The following PLEKHA5 variants were observed in gnomAD, a reference collection of about 807,000 sequenced individuals.
The protein encoded by PLEKHA5 is pleckstrin homology domain containing A5.
PLEKHA5 carries 55 observed loss-of-function variants against 181.9 expected under a neutral mutation model. That is an observed-to-expected ratio of 0.30 (90% CI 0.24 to 0.38). The LOEUF is 0.38. Among genes scored for constraint, PLEKHA5 ranks in the 10% least tolerant of loss-of-function variants. The pLI, the probability that PLEKHA5 is intolerant of heterozygous loss-of-function variation, is 1.00. For missense variants in PLEKHA5, 1,432 were observed against 1,549.5 expected (o/e 0.92, Z 1.27); for synonymous variants, 535 against 529.4 (o/e 1.01, Z -0.15).
chr12:19,291,728 A>G (rs1273131110), intron 15 of PLEKHA5, 31 bp downstream of exon 15: 8 of 1,197,218 alleles, frequency 6.7e-6, no homozygotes, highest in Admixed American at 2.2e-5. Flanking sequence ...CTTACTTTTA[A>G]TACTTAATAG....
chr12:19,364,585 G>A (rs1416208492), intron 29 of PLEKHA5, among the ~76,000 whole-genome samples: 3 of 152,020 alleles, frequency 2.0e-5, no homozygotes, highest in African/African-American at 7.2e-5. Context: ...TTCCTCAGTG[G>A]CTGCCAAAGC....
At chr12:19,152,438 A>G (rs1591825037) in intron 3 of PLEKHA5, 1 of 152,224 alleles carries the variant, frequency 6.6e-6, no homozygotes, top group Non-Finnish European at 1.5e-5. Context: ...ATTAATAGCA[A>G]TTACTTTCTT....
chr12:19,188,449 A>G (rs1281314924), intron 3 of PLEKHA5, among the ~76,000 whole-genome samples: 1 of 152,246 alleles, frequency 6.6e-6, no homozygotes, highest in Non-Finnish European at 1.5e-5. Context: ...TGAATGTATG[A>G]GAAAGAAAAA....
At chr12:19,340,658 A>G (rs1323344104) in intron 21 of PLEKHA5, among the ~76,000 whole-genome samples, 1 of 143,618 alleles carries the variant, frequency 7.0e-6, no homozygotes, top group African/African-American at 2.5e-5. Context: ...CTTACCCCCA[A>G]CCCTGTGCTC....
intron 15 of PLEKHA5, chr12:19,303,480 G>C (rs1372365397): frequency 6.6e-6 from 1 of 152,156 alleles, no homozygotes; most frequent in Non-Finnish European, 1.5e-5. Flanking sequence ...TACTAAAGTA[G>C]CTGGCACAGT....
At chr12:19,147,807 G>C (rs377032521) in intron 3 of PLEKHA5, among the ~76,000 whole-genome samples, 2 of 152,082 alleles carry the variant, frequency 1.3e-5, no homozygotes, top group Non-Finnish European at 1.5e-5. Flanking sequence ...CATGATCAGA[G>C]CTCACCTCAG....
chr12:19,237,158 AAT>A (rs2152423252), intron 3 of PLEKHA5: 1 of 152,312 alleles, frequency 6.6e-6, no homozygotes. Context: ...TGCCAGGCAT[AAT>A]ATCTAGTGCA....
At chr12:19,330,070 A>G (rs755732659) in intron 20 of PLEKHA5, among the ~76,000 whole-genome samples, 134 of 152,282 alleles carry the variant, frequency 8.8e-4, no homozygotes, top group Admixed American at 5.2e-4. Flanking sequence ...AACAAAAGAA[A>G]ATCCACAAAA....
chr12:19,223,261 T>G (rs1555114001), intron 3 of PLEKHA5, among the ~76,000 whole-genome samples: 1 of 152,174 alleles, frequency 6.6e-6, no homozygotes, highest in Non-Finnish European at 1.5e-5. Context: ...TGCCACCTGG[T>G]GGACAGTGAT....
rs116769935 is a variant in PLEKHA5 at position 19,363,299 on chromosome 12, G to A, written c.3608+1593G>A. 6.4e-3 allele frequency among the ~76,000 whole-genome samples: 973 copies of A among 151,152 alleles called. 11 individuals carry two copies. The highest frequency in any genetic ancestry group is 0.023 in the African/African-American group (940 of 41,270). Reference sequence around the variant, plus strand: ...CCTGAGTAGCTCAGACTACAGGCGCGTGTCACCACGCATGGCTAATTTTTA... The same window carrying A: ...CCTGAGTAGCTCAGACTACAGGCGCATGTCACCACGCATGGCTAATTTTTA... On this transcript the variant is annotated intron_variant, in intron 29 of 31. Transcript: ENST00000429027.
chr12:19,248,643 TA>T, intron 3 of PLEKHA5, among the ~76,000 whole-genome samples: 1 of 152,302 alleles, frequency 6.6e-6, no homozygotes, highest in East Asian at 1.9e-4. Flanking sequence ...GGTTTATATA[TA>T]AATATATTTT....
At position 19,274,617 on chromosome 12, in the gene PLEKHA5, A is replaced by G. The variant is rs748311310; in HGVS notation, c.947A>G (p.Asn316Ser). Residue 316 changes from asparagine (N) to serine (S), a missense_variant, in exon 11 of 32, where the codon AAC becomes AGC. Coordinates refer to ENST00000429027, the MANE Select transcript of PLEKHA5 (RefSeq NM_001256470.2). ...CCAGAGATCCAAAACAATCAAAAAA[A>G]CAAGGAAATGAGCAAAATTGAAGAA... ...IKPEIQNNQK[N>S]KEMSKIEEKK... The G allele has an allele frequency of 1.2e-6, 2 of 1,613,808 alleles. No individual in the cohort carries two copies. The highest frequency in any genetic ancestry group is 3.3e-5 in the Admixed American group (2 of 60,024).
chr12:19,172,485 C>T (rs981452753), intron 3 of PLEKHA5, among the ~76,000 whole-genome samples: 10 of 152,198 alleles, frequency 6.6e-5, no homozygotes, highest in Non-Finnish European at 1.0e-4. Flanking sequence ...TGAGCAGTCA[C>T]TTCCTCAAGA....
intron 6 of PLEKHA5, among the ~76,000 whole-genome samples, chr12:19,258,401 C>T (rs924607215): frequency 1.3e-5 from 2 of 151,970 alleles, no homozygotes; most frequent in Non-Finnish European, 2.9e-5. Flanking sequence ...TCAGTTTATT[C>T]TGTTAAATAT....
chr12:19,225,698 G>A (rs2059597852), intron 3 of PLEKHA5, among the ~76,000 whole-genome samples: 1 of 152,110 alleles, frequency 6.6e-6, no homozygotes, highest in Non-Finnish European at 1.5e-5. Flanking sequence ...AAATTATTAG[G>A]ATCTCCTTCA....
chr12:19,174,822 A>G (rs12582948), intron 3 of PLEKHA5, among the ~76,000 whole-genome samples: 6,457 of 152,220 alleles, frequency 0.042, 302 homozygotes, highest in East Asian at 0.21. Flanking sequence ...GTAAACATAA[A>G]TCTCCATGCA....
chr12:19,147,929 G>C (rs781483018), intron 3 of PLEKHA5, among the ~76,000 whole-genome samples: 1 of 152,116 alleles, frequency 6.6e-6, no homozygotes, highest in Non-Finnish European at 1.5e-5. Context: ...TAGAGATGGG[G>C]TCTCACTATG....
At chr12:19,133,817 A>C (rs890356491) in intron 3 of PLEKHA5, among the ~76,000 whole-genome samples, 2 of 152,022 alleles carry the variant, frequency 1.3e-5, no homozygotes, top group Non-Finnish European at 2.9e-5. Flanking sequence ...ATGGCCTAAA[A>C]AAATACTTGA....
intron 15 of PLEKHA5, among the ~76,000 whole-genome samples, chr12:19,299,494 C>T (rs918606285): frequency 3.3e-5 from 5 of 152,202 alleles, no homozygotes; most frequent in Non-Finnish European, 7.3e-5. Context: ...TGAATCTTTG[C>T]ACGCACATAG....
Sources: gnomAD v4.1 joint callset for allele counts (sites outside exome capture counted in the v4.1 genomes callset) on GRCh38, gnomAD v4.1.1 for gene constraint, MANE v1.5 for transcripts, NCBI Gene and HGNC (gene_info 2026-07-23, HGNC 2026-07-21) for gene names.